Variants in ST7 observed in about 807,000 individuals in gnomAD.
The protein encoded by ST7 is suppression of tumorigenicity 7, also known as suppressor of tumorigenicity 7 protein.
A neutral mutation model predicts 78.7 loss-of-function variants in ST7; 28 were observed. The observed-to-expected ratio is 0.36, with a 90% CI of 0.26 to 0.49. ST7 has a LOEUF of 0.49. Ranked by LOEUF, ST7 falls within the 20% of genes least tolerant of loss-of-function variation. The probability of loss-of-function intolerance (pLI) is 0.99; values close to 1 mark genes in which losing one functional copy is unlikely to be tolerated. For missense variants in ST7, 418 were observed against 696.0 expected (o/e 0.60, Z 4.49); for synonymous variants, 247 against 249.6 (o/e 0.99, Z 0.10).
At chr7:117,043,813 G>A (rs1052928436) in intron 1 of ST7, among the ~76,000 whole-genome samples, 10 of 152,198 alleles carry the variant, frequency 6.6e-5, no homozygotes, top group Non-Finnish European at 8.8e-5. Flanking sequence ...CCACACCCCT[G>A]TGAGATAGCA....
intron 1 of ST7, among the ~76,000 whole-genome samples, chr7:117,046,653 A>G (rs1266862964): frequency 6.6e-6 from 1 of 152,236 alleles, no homozygotes; most frequent in East Asian, 1.9e-4. Flanking sequence ...GGACTATACC[A>G]TATAACAAGT....
chr7:117,215,703 C>T (rs766933737), intron 13 of ST7, among the ~76,000 whole-genome samples: 5 of 152,198 alleles, frequency 3.3e-5, no homozygotes, highest in East Asian at 1.9e-4. Context: ...CACCATGACT[C>T]CCTTGGAGGT....
chr7:117,113,349 C>T (rs978327570), intron 2 of ST7, among the ~76,000 whole-genome samples: 4 of 151,886 alleles, frequency 2.6e-5, no homozygotes, highest in East Asian at 3.9e-4. Flanking sequence ...CAGGGTGTAG[C>T]GGTTGATATT....
intron 13 of ST7, among the ~76,000 whole-genome samples, chr7:117,213,940 C>G (rs17139470): frequency 6.6e-6 from 1 of 152,154 alleles, no homozygotes; most frequent in African/African-American, 2.4e-5. Flanking sequence ...AACGAAGGGT[C>G]TCGTTTGAAC....
intron 1 of ST7, among the ~76,000 whole-genome samples, chr7:117,080,130 G>T (rs953119323): frequency 6.6e-6 from 1 of 151,420 alleles, no homozygotes. Context: ...ACAGGCGCCC[G>T]CCACTACGCC....
intron 2 of ST7, among the ~76,000 whole-genome samples, chr7:117,105,793 C>T (rs1801905469): frequency 6.6e-6 from 1 of 152,150 alleles, no homozygotes; most frequent in Non-Finnish European, 1.5e-5. Flanking sequence ...TTACATATTA[C>T]ATGAAGGTAT....
intron 10 of ST7, among the ~76,000 whole-genome samples, chr7:117,181,586 A>G (rs530201511): frequency 6.6e-6 from 1 of 152,276 alleles, no homozygotes; most frequent in African/African-American, 2.4e-5. Flanking sequence ...TATTGTATTA[A>G]TACGTTGCTG....
At chr7:116,971,026 CCAGTAAGCTGCAGGATGTACACCTAA>C (rs1793391351) in intron 1 of ST7, among the ~76,000 whole-genome samples, 1 of 152,084 alleles carries the variant, frequency 6.6e-6, no homozygotes. Flanking sequence ...ACATTTTAAG[CCAGTAAGCTGCAGGATGTACACCTAA>C]CAGACCTCCT....
intron 12 of ST7, among the ~76,000 whole-genome samples, chr7:117,204,887 TAG>T (rs1791594366): frequency 6.6e-6 from 1 of 152,118 alleles, no homozygotes; most frequent in Non-Finnish European, 1.5e-5. Context: ...TACATACATA[TAG>T]AGAGAGAGAA....
At chr7:117,215,310 A>G (rs1030536168) in intron 13 of ST7, among the ~76,000 whole-genome samples, 8 of 152,270 alleles carry the variant, frequency 5.3e-5, no homozygotes, top group African/African-American at 9.6e-5. Flanking sequence ...AAATAAGGAC[A>G]TGAAATTTGC....
intron 9 of ST7, among the ~76,000 whole-genome samples, chr7:117,153,697 A>G (rs759004895): frequency 1.1e-4 from 16 of 152,320 alleles, no homozygotes; most frequent in Admixed American, 2.6e-4. Context: ...GGAGAAAACT[A>G]TTTGTTACCT....
intron 1 of ST7, among the ~76,000 whole-genome samples, chr7:117,064,541 A>G (rs1798531254): frequency 6.6e-6 from 1 of 152,234 alleles, no homozygotes; most frequent in Non-Finnish European, 1.5e-5. Flanking sequence ...TGGGGTTTGC[A>G]GGTGAAATTT....
chr7:117,200,768 A>C (rs1053069339), intron 12 of ST7, among the ~76,000 whole-genome samples: 1 of 151,844 alleles, frequency 6.6e-6, no homozygotes, highest in African/African-American at 2.4e-5. Context: ...AATAGAGAGG[A>C]AAGAATGAAG....
intron 3 of ST7, among the ~76,000 whole-genome samples, chr7:117,121,090 C>T (rs1318995052): frequency 6.6e-6 from 1 of 152,194 alleles, no homozygotes. Context: ...TGTTCTTTGT[C>T]ATTCAAAGGC....
intron 1 of ST7, among the ~76,000 whole-genome samples, chr7:117,064,669 T>G (rs1198636180): frequency 6.6e-6 from 1 of 152,222 alleles, no homozygotes; most frequent in Non-Finnish European, 1.5e-5. Context: ...CATAAAGCTG[T>G]TTTATAGCAA....
intron 1 of ST7, among the ~76,000 whole-genome samples, chr7:117,065,159 AAGTTATG>A (rs1464004882): frequency 6.6e-6 from 1 of 151,928 alleles, no homozygotes; most frequent in Non-Finnish European, 1.5e-5. Flanking sequence ...ATTCTATAGC[AAGTTATG>A]AATAAAACTA....
At chr7:117,200,542 T>A (rs189067399) in intron 12 of ST7, among the ~76,000 whole-genome samples, 131 of 152,152 alleles carry the variant, frequency 8.6e-4, no homozygotes, top group African/African-American at 2.9e-3. Flanking sequence ...CCAGAACCAG[T>A]AAACCATCTG....
intron 9 of ST7, among the ~76,000 whole-genome samples, chr7:117,161,712 G>T (rs2117216858): frequency 6.8e-6 from 1 of 147,902 alleles, no homozygotes; most frequent in Non-Finnish European, 1.5e-5. Flanking sequence ...CGATTCTCCT[G>T]CCTCAGCCTC....
chr7:116,983,993 G>A (rs546177376), intron 1 of ST7, among the ~76,000 whole-genome samples: 1 of 152,102 alleles, frequency 6.6e-6, no homozygotes, highest in East Asian at 1.9e-4. Context: ...AGGTGATATC[G>A]ATCAAATTAT....
Sources: gnomAD v4.1 joint callset for allele counts (sites outside exome capture counted in the v4.1 genomes callset) on GRCh38, gnomAD v4.1.1 for gene constraint, MANE v1.5 for transcripts, NCBI Gene and HGNC (gene_info 2026-07-23, HGNC 2026-07-21) for gene names.